VBP1: variants seen among roughly 807,000 people sequenced by gnomAD.
VBP1 encodes prefoldin subunit 3.
Under a neutral mutation model 15.5 loss-of-function variants are expected in VBP1, and 4 were observed. That is an observed-to-expected ratio of 0.26 (90% confidence interval 0.13 to 0.59). The LOEUF is 0.59. VBP1 is among the 20% of genes least tolerant of loss of function. The pLI is 0.90. For missense variants in VBP1, 108 were observed against 139.6 expected, an observed-to-expected ratio of 0.77 and a Z score of 1.14; for synonymous variants, 61 against 52.1, an observed-to-expected ratio of 1.17 and a Z score of -0.74.
intron 1 of VBP1, among the ~76,000 whole-genome samples, chrX:155,206,697 C>A (rs2074627730): frequency 9.0e-6 from 1 of 110,698 alleles, no homozygotes; most frequent in Non-Finnish European, 1.9e-5. Flanking sequence ...TCGTCTGTCA[C>A]TGGGGCAAGG....
At chrX:155,236,616 C>G (rs897646986) in intron 5 of VBP1, among the ~76,000 whole-genome samples, 1 of 111,913 alleles carries the variant, frequency 8.9e-6, no homozygotes, top group Admixed American at 9.5e-5. Context: ...CTCCCACATT[C>G]TTTCTTACAT....
At chrX:155,227,731 G>A (rs2074725817) in intron 3 of VBP1, among the ~76,000 whole-genome samples, 1 of 112,198 alleles carries the variant, frequency 8.9e-6, no homozygotes, top group African/African-American at 3.2e-5. Flanking sequence ...CATAGTTGAG[G>A]AAATGGTTAT....
At chrX:155,208,287 A>C (rs2124047698) in intron 1 of VBP1, among the ~76,000 whole-genome samples, 1 of 112,399 alleles carries the variant, frequency 8.9e-6, no homozygotes, top group African/African-American at 3.2e-5. Context: ...CTCATAAAGT[A>C]ACTAGAAGAG....
At chrX:155,237,136 A>T (rs897661562) in intron 5 of VBP1, among the ~76,000 whole-genome samples, 5 of 111,901 alleles carry the variant, frequency 4.5e-5, no homozygotes, top group Non-Finnish European at 7.5e-5. Flanking sequence ...AAAGATCAGC[A>T]GAGAGAAGAG....
intron 2 of VBP1, among the ~76,000 whole-genome samples, chrX:155,226,899 A>G: frequency 8.9e-6 from 1 of 111,902 alleles, no homozygotes; most frequent in Non-Finnish European, 1.9e-5. Context: ...GCCATGGGGT[A>G]TTTGACATAA....
At chrX:155,213,945 G>A (rs1269356856), upstream of VBP1, among the ~76,000 whole-genome samples, 2 of 112,119 alleles carry the variant, frequency 1.8e-5, no homozygotes, top group Non-Finnish European at 3.8e-5. Flanking sequence ...ATCAGCCATT[G>A]TGGGAGTATC....
intron 1 of VBP1, among the ~76,000 whole-genome samples, chrX:155,206,323 C>T (rs1557308038): frequency 9.1e-6 from 1 of 109,702 alleles, no homozygotes; most frequent in Non-Finnish European, 1.9e-5. Flanking sequence ...AAGCTCCGCC[C>T]CTTGGGTTCA....
chrX:155,217,648 A>G (rs2074671329), intron 1 of VBP1, among the ~76,000 whole-genome samples: 1 of 112,627 alleles, frequency 8.9e-6, no homozygotes. Context: ...GAGCTGTGTC[A>G]TTTATTTCTC....
At chrX:155,200,697 G>T (rs1467391780) in intron 1 of VBP1, among the ~76,000 whole-genome samples, 69 of 105,446 alleles carry the variant, frequency 6.5e-4, no homozygotes, top group Middle Eastern at 4.8e-3. Flanking sequence ...ACAATTAAAA[G>T]AACTAGAAAA....
chrX:155,199,690 A>G (rs2074594120), intron 1 of VBP1, among the ~76,000 whole-genome samples: 1 of 112,165 alleles, frequency 8.9e-6, no homozygotes, highest in African/African-American at 3.2e-5. Context: ...CTAGGAAGTA[A>G]CTGCATCAAC....
chrX:155,233,857 G>T, intron 4 of VBP1, among the ~76,000 whole-genome samples: 1 of 110,632 alleles, frequency 9.0e-6, no homozygotes, highest in Non-Finnish European at 1.9e-5. Flanking sequence ...ATATATTTAT[G>T]ATATGAATAC....
chrX:155,210,408 T>C (rs1250550764), intron 2 of VBP1, among the ~76,000 whole-genome samples: 1 of 112,051 alleles, frequency 8.9e-6, no homozygotes, highest in Non-Finnish European at 1.9e-5. Context: ...GAGCTATGAT[T>C]GCACCATTGC....
At chrX:155,208,895 C>T in exon 2 of VBP1, 1 of 1,152,039 alleles carries the variant, frequency 8.7e-7, no homozygotes. Context: ...ATTGGGAGCT[C>T]CTTCTCTAAT....
intron 2 of VBP1, among the ~76,000 whole-genome samples, chrX:155,223,983 G>A (rs1177252667): frequency 9.1e-6 from 1 of 109,860 alleles, no homozygotes; most frequent in Non-Finnish European, 1.9e-5. Flanking sequence ...CGGGGCAGAG[G>A]TGCTCTTCAC....
chrX:155,214,372 A>G (rs930458298), upstream of VBP1, among the ~76,000 whole-genome samples: 24 of 112,458 alleles, frequency 2.1e-4, no homozygotes, highest in Non-Finnish European at 4.3e-4. Flanking sequence ...AGAATTAACG[A>G]TAAAGAGTAT....
chrX:155,234,755 G>A (rs782271046), intron 4 of VBP1, among the ~76,000 whole-genome samples: 2 of 111,726 alleles, frequency 1.8e-5, no homozygotes, highest in Non-Finnish European at 3.8e-5. Context: ...CATTTTGATT[G>A]TATGTTACTC....
intron 5 of VBP1, among the ~76,000 whole-genome samples, chrX:155,236,582 A>G (rs1014069120): frequency 1.3e-4 from 15 of 111,479 alleles, no homozygotes; most frequent in African/African-American, 4.2e-4. Flanking sequence ...CCTAGAACTA[A>G]AAAAAAATTA....
chrX:155,221,693 C>T (rs2074690354), intron 2 of VBP1, among the ~76,000 whole-genome samples: 1 of 112,191 alleles, frequency 8.9e-6, no homozygotes, highest in Non-Finnish European at 1.9e-5. Flanking sequence ...GAACAGATAG[C>T]TGTGTAGAAT....
chrX:155,235,116 A>ATGTG lies in VBP1; in HGVS notation c.385-1087_385-1084dup, dbSNP rs112094871. On this transcript the variant is annotated intron_variant, in intron 4 of 5. Transcript: ENST00000286428. Reference sequence around the variant, plus strand: ...CATTTCACCCAGTGTGTGTGTGTGTATGTGTGTGTGTGTGTGTGTGTGTGT... The same window carrying ATGTG: ...CATTTCACCCAGTGTGTGTGTGTGTATGTGTGTGTGTGTGTGTGTGTGTGTGTGT... Among the ~76,000 whole-genome samples, 357 of 97,420 alleles carry ATGTG rather than the reference A, an allele frequency of 3.7e-3. 1 individual carries two copies. The highest frequency in any genetic ancestry group is 0.012 in the African/African-American group (305 of 26,371). 84.6% of individuals were successfully genotyped at this position (97,420 alleles called of 115,157 possible).
Sources: gnomAD v4.1 joint callset for allele counts (sites outside exome capture counted in the v4.1 genomes callset) on GRCh38, gnomAD v4.1.1 for gene constraint, MANE v1.5 for transcripts, NCBI Gene and HGNC (gene_info 2026-07-23, HGNC 2026-07-21) for gene names.